Variants in GOLM1 observed in about 807,000 individuals in gnomAD.
GOLM1 encodes the protein golgi membrane protein 1.
GOLM1 carries 31 observed loss-of-function variants against 50.5 expected under a neutral mutation model. That is an observed-to-expected ratio of 0.61 (90% CI 0.46 to 0.83). The LOEUF (loss-of-function observed/expected upper bound fraction) is 0.83. GOLM1 is among the 40% of genes least tolerant of loss of function. The probability of loss-of-function intolerance (pLI) is 0.00; values close to 1 mark genes in which losing one functional copy is unlikely to be tolerated. For synonymous variants in GOLM1, 178 were observed against 192.8 expected (o/e 0.92, Z 0.64); for missense variants, 491 against 501.3 (o/e 0.98, Z 0.20).
chr9:86,054,441 C>G (rs928217055), intron 3 of GOLM1, among the ~76,000 whole-genome samples: 5 of 152,142 alleles, frequency 3.3e-5, no homozygotes, highest in African/African-American at 1.2e-4. Flanking sequence ...CCAGGCTGGT[C>G]TCAAACTTCT....
chr9:86,040,739 C>T lies in GOLM1; in HGVS notation c.597G>A (p.Gln199=). 1 of 1,609,320 alleles carries T rather than the reference C, an allele frequency of 6.2e-7. No individual in the cohort carries two copies. Among genetic ancestry groups the T allele is most frequent in the Non-Finnish European group, 8.5e-7 (1 of 1,178,858 alleles). The change falls in exon 6 of 10, where the codon CAG becomes CAA. Residue 199 remains glutamine (Q), a splice_region_variant and synonymous_variant. Coordinates refer to ENST00000388712, the MANE Select transcript of GOLM1 (RefSeq NM_016548.4). ...DLSENNDQRQ[Q]LQALSEPQPR... ...CTCTTGGCAAAAATTCCCCAGTTAC[C>T]TGCTGTCTCTGGTCGTTGTTTTCAC...
intron 7 of GOLM1, 109 bp from the exon 8 acceptor site, chr9:86,035,734 G>T: frequency 9.7e-7 from 1 of 1,026,210 alleles, no homozygotes; most frequent in Non-Finnish European, 1.4e-6. Flanking sequence ...CCTTCCCAAG[G>T]AGTGGGGGTG....
intron 1 of GOLM1, among the ~76,000 whole-genome samples, chr9:86,087,026 T>G (rs1284887708): frequency 6.6e-6 from 1 of 152,224 alleles, no homozygotes; most frequent in Admixed American, 6.5e-5. Flanking sequence ...GCATTGAATC[T>G]ATAAATTACT....
At chr9:86,049,093 G>A (rs1281571768) in intron 4 of GOLM1, among the ~76,000 whole-genome samples, 1 of 152,152 alleles carries the variant, frequency 6.6e-6, no homozygotes, top group Non-Finnish European at 1.5e-5. Context: ...TTCTACATAT[G>A]GATAGCCAGT....
Position 86,031,882 on chromosome 9 carries a change from C to T in GOLM1, c.1129+1400G>A, listed in dbSNP as rs572429739. 2.7e-5 allele frequency among the ~76,000 whole-genome samples: 4 copies of T among 147,458 alleles called. No individual in the cohort carries two copies. The East Asian group carries it at 6.0e-4, about 22-fold the overall frequency. On this transcript the variant is annotated intron_variant, in intron 9 of 9. Transcript: ENST00000388712. Reference sequence around the variant, plus strand: ...GCCAGGTTGCAGTCAGCCAAGATCGCGCCACTGCACTTCAGCAAGGGTGAC... The same window carrying T: ...GCCAGGTTGCAGTCAGCCAAGATCGTGCCACTGCACTTCAGCAAGGGTGAC...
At chr9:86,044,342 GT>G (rs1466963104) in intron 5 of GOLM1, among the ~76,000 whole-genome samples, 1 of 152,204 alleles carries the variant, frequency 6.6e-6, no homozygotes, top group Non-Finnish European at 1.5e-5. Flanking sequence ...GGGGCTTCAT[GT>G]TTTCAGTTGT....
At chr9:86,091,099 C>A (rs1835171288) in intron 1 of GOLM1, among the ~76,000 whole-genome samples, 1 of 152,168 alleles carries the variant, frequency 6.6e-6, no homozygotes, top group Admixed American at 6.5e-5. Flanking sequence ...ACCGTCTAAC[C>A]AGTCCCAGTG....
Position 86,057,065 on chromosome 9 carries a change from T to G in GOLM1, c.310-4474A>C, listed in dbSNP as rs112134616. ...TGCAGAGGGACTTTAGGGGTAGCTGTACTTCCTGGTGTTTGTAAGCTGTCC... is the reference window on the plus strand; with the variant it reads ...TGCAGAGGGACTTTAGGGGTAGCTGGACTTCCTGGTGTTTGTAAGCTGTCC... On this transcript the variant is annotated intron_variant, in intron 3 of 9. Transcript: ENST00000388712. Among the ~76,000 whole-genome samples, 492 of 152,308 alleles carry G rather than the reference T, an allele frequency of 3.2e-3. 2 individuals carry two copies. Among genetic ancestry groups the G allele is most frequent in the African/African-American group, 0.011 (460 of 41,568 alleles).
intron 3 of GOLM1, among the ~76,000 whole-genome samples, chr9:86,076,421 C>CAA (rs58193076): frequency 0.029 from 675 of 23,280 alleles, 65 homozygotes; most frequent in Middle Eastern, 0.083. Context: ...AACCCCATCT[C>CAA]AAAAAAAAAA....
chr9:86,031,925 CAA>C (rs1043805404), intron 9 of GOLM1, among the ~76,000 whole-genome samples: 10 of 36,052 alleles, frequency 2.8e-4, no homozygotes, highest in African/African-American at 7.0e-4. Context: ...GACTCCATCT[CAA>C]AAAAAAAAAA....
chr9:86,058,917 G>A (rs887106363), intron 3 of GOLM1, among the ~76,000 whole-genome samples: 21 of 152,268 alleles, frequency 1.4e-4, no homozygotes, highest in African/African-American at 4.6e-4. Flanking sequence ...AGAATCGCTT[G>A]AATCCAGGAG....
intron 3 of GOLM1, among the ~76,000 whole-genome samples, chr9:86,063,363 C>G (rs1346089327): frequency 6.6e-6 from 1 of 152,184 alleles, no homozygotes; most frequent in South Asian, 2.1e-4. Flanking sequence ...CATTTTCAAA[C>G]GGGAATCCTA....
At chr9:86,079,488 G>A (rs1192396283) in intron 1 of GOLM1, 147 bp from the exon 2 acceptor site, 2 of 628,354 alleles carry the variant, frequency 3.2e-6, no homozygotes, top group African/African-American at 1.8e-5. Context: ...GCTGTCAAGG[G>A]AGAAGAGTAT....
At chr9:86,094,915 CTT>C (rs1316466766) in intron 1 of GOLM1, among the ~76,000 whole-genome samples, 1 of 152,076 alleles carries the variant, frequency 6.6e-6, no homozygotes, top group Non-Finnish European at 1.5e-5. Context: ...GAAACCCTGT[CTT>C]TACTAAAAAT....
chr9:86,079,431 A>C, intron 1 of GOLM1, 90 bp from the exon 2 acceptor site: 1 of 1,088,792 alleles, frequency 9.2e-7, no homozygotes, highest in Non-Finnish European at 1.3e-6. Context: ...AGAGGAAAGG[A>C]GTCTTGCCAA....
chr9:86,077,656 G>A (rs1415718466), intron 2 of GOLM1, 65 bp from the exon 3 acceptor site: 8 of 1,209,160 alleles, frequency 6.6e-6, no homozygotes, highest in South Asian at 5.0e-5. Context: ...CCACCTGAGC[G>A]CCCTCCACAA....
rs1832791734 is a variant in GOLM1 at position 86,026,594 on chromosome 9, ATCC to A, written c.*1220_*1222del. Reference sequence around the variant, plus strand: ...GGCCTTAGCATCTCAAATCCTGTGGATCCTCCTACTTACCCCTTAGAGAGCCTT... The same window carrying A: ...GGCCTTAGCATCTCAAATCCTGTGGATCCTACTTACCCCTTAGAGAGCCTT... On this transcript the variant is annotated 3_prime_UTR_variant, in exon 10 of 10. Transcript: ENST00000388712. The A allele has an allele frequency of 2.1e-6, 2 of 973,326 alleles. No homozygotes were observed. The highest frequency in any genetic ancestry group is 3.5e-5 in the African/African-American group (2 of 56,908). 60.3% of individuals were successfully genotyped at this position (973,326 alleles called of 1,614,324 possible).
At chr9:86,059,561 G>A (rs1419768351) in intron 3 of GOLM1, among the ~76,000 whole-genome samples, 1 of 152,166 alleles carries the variant, frequency 6.6e-6, no homozygotes, top group Non-Finnish European at 1.5e-5. Flanking sequence ...GGGAAATGGG[G>A]AGTGATTGCT....
chr9:86,061,841 G>T (rs1834167290), intron 3 of GOLM1, among the ~76,000 whole-genome samples: 1 of 152,262 alleles, frequency 6.6e-6, no homozygotes, highest in Admixed American at 6.5e-5. Context: ...AGGTTTAGGG[G>T]ATAGAGTCAA....
Sources: allele counts gnomAD v4.1 joint callset (sites outside exome capture counted in the v4.1 genomes callset), GRCh38; gene constraint gnomAD v4.1.1; transcripts MANE v1.5; gene names NCBI Gene and HGNC (gene_info 2026-07-23, HGNC 2026-07-21).